Variants in EPG5 observed in about 807,000 individuals in gnomAD.
The protein encoded by EPG5 is ectopic P granules protein 5 homolog.
In EPG5, 159 loss-of-function variants were observed where a neutral mutation model predicts 302.7. That is an observed-to-expected ratio of 0.53 (90% CI 0.46 to 0.60). The LOEUF is 0.60. EPG5 is among the 20% of genes least tolerant of loss of function. The pLI, the probability that EPG5 is intolerant of heterozygous loss-of-function variation, is 0.00. For missense variants in EPG5, 2,896 were observed against 3,092.4 expected, an observed-to-expected ratio of 0.94 and a Z score of 1.51; for synonymous variants, 1,158 against 1,136.8, an observed-to-expected ratio of 1.02 and a Z score of -0.37.
chr18:45,922,891 G>A (rs1253952759), intron 15 of EPG5, among the ~76,000 whole-genome samples: 1 of 152,176 alleles, frequency 6.6e-6, no homozygotes, highest in Non-Finnish European at 1.5e-5. Context: ...CCATCAGGAC[G>A]GAGGTCTCAT....
Position 45,880,196 on chromosome 18 carries a change from T to TC in EPG5, c.5545dup (p.Glu1849GlyfsTer34). 6.2e-7 allele frequency: 1 copy of TC among 1,606,724 alleles called. No individual in the cohort carries two copies. The highest frequency in any genetic ancestry group is 8.5e-7 in the Non-Finnish European group (1 of 1,175,570). ...GGCTCTCAGAGTGGCCTTCCAACAC[T>TC]CGGGGCTCAGAAGCTGCTCCGCGGA... is the stretch of plus-strand genomic sequence containing the variant. On this transcript the variant is annotated frameshift_variant, in exon 32 of 44. Coordinates refer to ENST00000282041, the MANE Select transcript of EPG5 (RefSeq NM_020964.3). LOFTEE classifies it high-confidence loss of function.
intron 36 of EPG5, among the ~76,000 whole-genome samples, chr18:45,868,668 C>T (rs2048802920): frequency 6.6e-6 from 1 of 151,510 alleles, no homozygotes; most frequent in Non-Finnish European, 1.5e-5. Flanking sequence ...CGCGCCCGGC[C>T]TATATTCCCT....
chr18:45,807,206 C>A, the EPG5 span, among the ~76,000 whole-genome samples: 1 of 152,142 alleles, frequency 6.6e-6, no homozygotes, highest in Non-Finnish European at 1.5e-5. Context: ...CTCCATCCCC[C>A]ACAGCAGATG....
At chr18:45,837,860 T>A in the EPG5 span, 1 of 1,535,342 alleles carries the variant, frequency 6.5e-7, no homozygotes, top group Non-Finnish European at 8.7e-7. Flanking sequence ...CCATGACCGC[T>A]ACGAGAGCCG....
intron 43 of EPG5, among the ~76,000 whole-genome samples, chr18:45,854,729 T>C (rs2048479453): frequency 6.6e-6 from 1 of 152,034 alleles, no homozygotes; most frequent in Admixed American, 6.6e-5. Flanking sequence ...GGAGTGGCAA[T>C]GCATGCCTGT....
chr18:45,821,825 A>G, the EPG5 span, among the ~76,000 whole-genome samples: 5 of 152,252 alleles, frequency 3.3e-5, no homozygotes, highest in African/African-American at 1.2e-4. Flanking sequence ...TCAAAGGAAG[A>G]CATACAAATG....
At chr18:45,845,503 T>C (rs969886165), downstream of EPG5, among the ~76,000 whole-genome samples, 1 of 152,160 alleles carries the variant, frequency 6.6e-6, no homozygotes, top group Non-Finnish European at 1.5e-5. Context: ...ACTGTCCCTG[T>C]AAGAGGTCTG....
chr18:45,910,297 A>ATTTATCCAAGTAG (rs1418551806), intron 23 of EPG5, among the ~76,000 whole-genome samples: 1 of 152,236 alleles, frequency 6.6e-6, no homozygotes, highest in Non-Finnish European at 1.5e-5. Flanking sequence ...TATCGCTCAG[A>ATTTATCCAAGTAG]CTACAGGCAC....
At chr18:45,912,528 A>G in intron 21 of EPG5, 72 bp from the exon 22 acceptor site, 2 of 1,378,934 alleles carry the variant, frequency 1.5e-6, no homozygotes, top group Admixed American at 2.6e-5. Flanking sequence ...TTTCTAAGTG[A>G]TCCAACTGAA....
intron 27 of EPG5, among the ~76,000 whole-genome samples, chr18:45,897,980 A>C (rs1306802666): frequency 1.3e-5 from 2 of 152,246 alleles, no homozygotes; most frequent in African/African-American, 4.8e-5. Context: ...GATTTAGACA[A>C]TAGGCAGTGC....
the EPG5 span, among the ~76,000 whole-genome samples, chr18:45,833,429 C>T: frequency 6.6e-6 from 1 of 152,106 alleles, no homozygotes; most frequent in Non-Finnish European, 1.5e-5. Context: ...CAATCTCATG[C>T]TTCAGCCTCC....
At chr18:45,884,117 T>G (rs2049165263) in intron 30 of EPG5, among the ~76,000 whole-genome samples, 1 of 152,090 alleles carries the variant, frequency 6.6e-6, no homozygotes, top group Non-Finnish European at 1.5e-5. Flanking sequence ...TATTAAGTTT[T>G]TAAAAAGGGG....
At chr18:45,812,774 T>C in the EPG5 span, among the ~76,000 whole-genome samples, 1 of 152,220 alleles carries the variant, frequency 6.6e-6, no homozygotes, top group African/African-American at 2.4e-5. Context: ...TAATTCAAGA[T>C]GGATTAAAGA....
the EPG5 span, among the ~76,000 whole-genome samples, chr18:45,813,018 C>T: frequency 6.6e-6 from 1 of 152,152 alleles, no homozygotes; most frequent in East Asian, 1.9e-4. Context: ...GCAATCTACT[C>T]ATCTGACAAA....
chr18:45,837,866 A>T, the EPG5 span: 2 of 1,533,008 alleles, frequency 1.3e-6, no homozygotes, highest in South Asian at 2.4e-5. Flanking sequence ...CCGCTACGAG[A>T]GCCGCCACGG....
intron 27 of EPG5, among the ~76,000 whole-genome samples, chr18:45,892,902 A>T (rs2049383991): frequency 1.3e-5 from 2 of 152,252 alleles, no homozygotes. Flanking sequence ...GTCATTTCCC[A>T]TAAAGCTAAT....
At chr18:45,886,836 A>G (rs1401668033) in intron 29 of EPG5, among the ~76,000 whole-genome samples, 5 of 152,030 alleles carry the variant, frequency 3.3e-5, no homozygotes, top group Admixed American at 2.6e-4. Context: ...TTTTGTATTT[A>G]TAGTAGAGGC....
chr18:45,824,215 A>AT, the EPG5 span, among the ~76,000 whole-genome samples: 16 of 150,842 alleles, frequency 1.1e-4, no homozygotes, highest in African/African-American at 1.7e-4. Flanking sequence ...GAACTTTTTT[A>AT]TTTTTTTTTG....
chr18:45,947,270 G>A (rs1369533329), intron 6 of EPG5, among the ~76,000 whole-genome samples: 1 of 152,092 alleles, frequency 6.6e-6, no homozygotes, highest in Non-Finnish European at 1.5e-5. Context: ...AAAATTAGTT[G>A]GGTGTGGTGG....
Sources: allele counts gnomAD v4.1 joint callset (sites outside exome capture counted in the v4.1 genomes callset), GRCh38; gene constraint gnomAD v4.1.1; transcripts MANE v1.5; gene names NCBI Gene and HGNC (gene_info 2026-07-23, HGNC 2026-07-21).